The following ADGRL2 variants were observed in gnomAD, a reference collection of about 807,000 sequenced individuals.
ADGRL2 encodes adhesion G protein-coupled receptor L2, also known as calcium-independent alpha-latrotoxin receptor 2.
ADGRL2 carries 44 observed loss-of-function variants against 157.4 expected under a neutral mutation model. The ratio of observed to expected loss-of-function variants is 0.28; its 90% CI spans 0.22 to 0.36. The LOEUF is 0.36. Among genes scored for constraint, ADGRL2 ranks in the 10% least tolerant of loss-of-function variants. The probability of loss-of-function intolerance (pLI) is 1.00; values close to 1 mark genes in which losing one functional copy is unlikely to be tolerated. For synonymous variants in ADGRL2, 585 were observed against 624.7 expected (o/e 0.94, Z 0.95); for missense variants, 1,510 against 1,768.9 (o/e 0.85, Z 2.63).
intron 2 of ADGRL2, among the ~76,000 whole-genome samples, chr1:81,470,064 CCTT>C (rs2078139196): frequency 2.0e-5 from 3 of 152,146 alleles, no homozygotes; most frequent in Admixed American, 6.5e-5. Context: ...TTGCTTTAGG[CCTT>C]AGAAACACGT....
intron 1 of ADGRL2, among the ~76,000 whole-genome samples, chr1:81,819,561 A>T (rs2090769452): frequency 6.6e-6 from 1 of 152,176 alleles, no homozygotes; most frequent in Admixed American, 6.6e-5. Flanking sequence ...TACACTGCAT[A>T]TGTTTAAGTG....
chr1:81,462,643 T>G (rs2101814902), intron 2 of ADGRL2, among the ~76,000 whole-genome samples: 1 of 152,338 alleles, frequency 6.6e-6, no homozygotes, highest in South Asian at 2.1e-4. Flanking sequence ...TGGCCCTTGT[T>G]CTCATTAACA....
chr1:81,318,181 T>C (rs1449021398), intron 1 of ADGRL2, among the ~76,000 whole-genome samples: 2 of 152,204 alleles, frequency 1.3e-5, no homozygotes, highest in Non-Finnish European at 2.9e-5. Context: ...GTTATGAATA[T>C]GGTCAATAAC....
chr1:81,327,373 C>T (rs941771002), intron 1 of ADGRL2, among the ~76,000 whole-genome samples: 2 of 152,116 alleles, frequency 1.3e-5, no homozygotes, highest in Admixed American at 6.5e-5. Flanking sequence ...TAAAGGTTCA[C>T]TATCTGAACA....
intron 2 of ADGRL2, among the ~76,000 whole-genome samples, chr1:81,868,277 A>G (rs1233800173): frequency 6.6e-6 from 1 of 152,068 alleles, no homozygotes; most frequent in African/African-American, 2.4e-5. Flanking sequence ...ACTAAATTAC[A>G]AATAGGGTAT....
chr1:81,553,421 G>A lies in ADGRL2; in HGVS notation c.-247-27455G>A, dbSNP rs534413435. ...TTCACATCTTTAATGCTCTTCAGAAGAGGTCTATAGAAGGCAAATTGTAAA... is the reference window on the plus strand; with the variant it reads ...TTCACATCTTTAATGCTCTTCAGAAAAGGTCTATAGAAGGCAAATTGTAAA... On this transcript the variant is annotated intron_variant, in intron 2 of 24. Coordinates refer to the ADGRL2 transcript ENST00000370721. 2.6e-5 allele frequency among the ~76,000 whole-genome samples: 4 copies of A among 152,296 alleles called. No homozygotes were observed. The East Asian group carries it at 7.7e-4, about 29-fold the overall frequency.
chr1:81,863,568 G>A (rs2093449653), intron 2 of ADGRL2, among the ~76,000 whole-genome samples: 1 of 152,134 alleles, frequency 6.6e-6, no homozygotes, highest in South Asian at 2.1e-4. Flanking sequence ...CTGAGAGTGG[G>A]TTGTAGTGAG....
At chr1:81,721,764 C>T in intron 1 of ADGRL2, 1 of 1,401,798 alleles carries the variant, frequency 7.1e-7, no homozygotes, top group Non-Finnish European at 1.0e-6. Context: ...ATTCTGCACA[C>T]CGAGGAAATG....
chr1:81,634,813 C>T (rs953852499), intron 3 of ADGRL2, among the ~76,000 whole-genome samples: 2 of 152,076 alleles, frequency 1.3e-5, no homozygotes, highest in South Asian at 2.1e-4. Context: ...TGAGCCGTCG[C>T]GCCTGGCCTA....
chr1:81,523,685 C>G (rs1434585477), intron 2 of ADGRL2, among the ~76,000 whole-genome samples: 1 of 152,166 alleles, frequency 6.6e-6, no homozygotes, highest in Non-Finnish European at 1.5e-5. Flanking sequence ...TTGGATAACA[C>G]CCTATGTTGG....
At chr1:81,740,534 A>G (rs2085040520) in intron 1 of ADGRL2, among the ~76,000 whole-genome samples, 1 of 152,214 alleles carries the variant, frequency 6.6e-6, no homozygotes, top group Non-Finnish European at 1.5e-5. Context: ...TGGCCTGAAC[A>G]ATTGCACTAA....
chr1:81,882,707 G>T (rs1012171195), intron 2 of ADGRL2, among the ~76,000 whole-genome samples: 1 of 152,250 alleles, frequency 6.6e-6, no homozygotes, highest in Non-Finnish European at 1.5e-5. Context: ...AATGCATCTA[G>T]AATTCAACAG....
At chr1:81,778,301 G>C (rs1452376538) in intron 2 of ADGRL2, among the ~76,000 whole-genome samples, 1 of 143,518 alleles carries the variant, frequency 7.0e-6, no homozygotes, top group Non-Finnish European at 1.5e-5. Context: ...CAGCCTGGGC[G>C]ACAGAGCGAG....
At chr1:81,717,034 C>A (rs1452229442) in intron 1 of ADGRL2, among the ~76,000 whole-genome samples, 1 of 152,144 alleles carries the variant, frequency 6.6e-6, no homozygotes, top group Non-Finnish European at 1.5e-5. Context: ...TAAAATCCTG[C>A]ATTAAGGATG....
chr1:81,880,740 T>G (rs2151203935), intron 2 of ADGRL2, among the ~76,000 whole-genome samples: 1 of 148,636 alleles, frequency 6.7e-6, no homozygotes, highest in South Asian at 2.2e-4. Flanking sequence ...TTTATTTCCC[T>G]TACTGTGCAT....
intron 3 of ADGRL2, among the ~76,000 whole-genome samples, chr1:81,641,466 A>G (rs2082217504): frequency 6.6e-6 from 1 of 152,242 alleles, no homozygotes; most frequent in African/African-American, 2.4e-5. Context: ...AAGATCATAC[A>G]GTATATGTCT....
intron 1 of ADGRL2, among the ~76,000 whole-genome samples, chr1:81,814,660 A>G (rs903054818): frequency 1.3e-5 from 2 of 151,520 alleles, no homozygotes; most frequent in Non-Finnish European, 3.0e-5. Context: ...AAAAATAAAC[A>G]ATATTAGTGT....
At chr1:81,427,747 ATAGTCAGAAAAGT>A (rs1250142326) in intron 1 of ADGRL2, 1 of 371,582 alleles carries the variant, frequency 2.7e-6, no homozygotes, top group African/African-American at 2.1e-5. Flanking sequence ...ACAATGATCC[ATAGTCAGAAAAGT>A]TACTGCAGCT....
At position 81,984,695 on chromosome 1, in the gene ADGRL2, A is replaced by G; in HGVS notation, c.3395A>G (p.Tyr1132Cys). 6.2e-7 allele frequency: 1 copy of G among 1,612,812 alleles called. No homozygotes were observed. Among genetic ancestry groups the G allele is most frequent in the South Asian group, 1.1e-5 (1 of 91,026 alleles). The change falls in exon 20 of 24, where the codon TAT becomes TGT. Residue 1132 changes from tyrosine (Y) to cysteine (C), a missense_variant. Tyr to Cys is a radical substitution (Grantham distance 194, BLOSUM62 -2). This residue lies in a region of ADGRL2 where 497 missense variants were observed against 627.2 expected (regional missense o/e 0.79). Coordinates refer to ENST00000686636, the MANE Select transcript of ADGRL2 (RefSeq NM_001366006.2). ...KASTTRTSAR[Y>C]SSGTQSRIRR... Reference sequence around the variant, plus strand: ...TCAACCACCAGAACCAGTGCTCGCTATTCCTCTGGCACACAGGTAACAAAG... The same window carrying G: ...TCAACCACCAGAACCAGTGCTCGCTGTTCCTCTGGCACACAGGTAACAAAG...
Sources: allele counts gnomAD v4.1 joint callset (sites outside exome capture counted in the v4.1 genomes callset), GRCh38; gene constraint gnomAD v4.1.1; regional missense constraint gnomAD v4.1.1; transcripts MANE v1.5; gene names NCBI Gene and HGNC (gene_info 2026-07-23, HGNC 2026-07-21).